The following RIPOR2 variants were observed in gnomAD, a reference collection of about 807,000 sequenced individuals.
The protein encoded by RIPOR2 is RHO family interacting cell polarization regulator 2.
A neutral mutation model predicts 114.5 loss-of-function variants in RIPOR2; 39 were observed. The ratio of observed to expected loss-of-function variants is 0.34; its 90% CI spans 0.26 to 0.44. RIPOR2 has a LOEUF of 0.44. RIPOR2 is among the 20% of genes least tolerant of loss of function. The pLI, the probability that RIPOR2 is intolerant of heterozygous loss-of-function variation, is 1.00. For missense variants in RIPOR2, 1,007 were observed against 1,255.1 expected (o/e 0.80, Z 2.99); for synonymous variants, 445 against 484.4 (o/e 0.92, Z 1.07).
intron 1 of RIPOR2, among the ~76,000 whole-genome samples, chr6:25,040,837 C>T (rs1005756981): frequency 2.0e-5 from 3 of 152,092 alleles, no homozygotes; most frequent in Non-Finnish European, 4.4e-5. Context: ...ATGATCCTCC[C>T]GCCTTGGCCT....
intron 1 of RIPOR2, among the ~76,000 whole-genome samples, chr6:24,908,623 GGGAAGGACA>G (rs1298221309): frequency 1.3e-5 from 2 of 152,298 alleles, no homozygotes; most frequent in East Asian, 3.9e-4. Flanking sequence ...CTCAGATTTA[GGGAAGGACA>G]TTTGGCAGTG....
intron 4 of RIPOR2, 106 bp downstream of exon 4, chr6:24,872,775 C>G: frequency 2.7e-6 from 2 of 738,390 alleles, no homozygotes; most frequent in Non-Finnish European, 4.7e-6. Context: ...TACTCTGCCC[C>G]TTGGATCTGC....
chr6:25,016,255 A>T (rs1775997367), intron 1 of RIPOR2, among the ~76,000 whole-genome samples: 1 of 152,132 alleles, frequency 6.6e-6, no homozygotes, highest in African/African-American at 2.4e-5. Context: ...TCATTCCAGT[A>T]GTTCCTGAGG....
At chr6:24,833,672 G>T (rs558937596) in intron 15 of RIPOR2, among the ~76,000 whole-genome samples, 1 of 152,182 alleles carries the variant, frequency 6.6e-6, no homozygotes, top group East Asian at 1.9e-4. Flanking sequence ...TCTCTCTGTG[G>T]TTATATAACT....
intron 15 of RIPOR2, among the ~76,000 whole-genome samples, chr6:24,833,903 C>T (rs1760886226): frequency 6.6e-6 from 1 of 152,072 alleles, no homozygotes. Context: ...AGAAAACAGT[C>T]ACTCCTTCAA....
rs560188806 is a variant in RIPOR2, at chr6:24,961,144, C to T, written c.76+80707G>A. ...ACAGTCTTGTTGGCAAAACAAGCCA[C>T]ATAAAAAAGACAAGTTATGATACAA... On this transcript the variant is annotated intron_variant, in intron 1 of 13. Coordinates refer to the RIPOR2 transcript ENST00000510784. 2.0e-5 allele frequency among the ~76,000 whole-genome samples: 3 copies of T among 152,184 alleles called. No individual in the cohort carries two copies. In the East Asian group the frequency reaches 5.8e-4, roughly 29 times the overall value.
intron 1 of RIPOR2, among the ~76,000 whole-genome samples, chr6:24,950,138 A>G (rs954461523): frequency 2.6e-5 from 4 of 152,224 alleles, no homozygotes; most frequent in African/African-American, 9.6e-5. Flanking sequence ...CAAGGTGCTG[A>G]GTATCAAATG....
chr6:24,852,519 C>T, intron 9 of RIPOR2, 56 bp downstream of exon 9: 1 of 1,277,922 alleles, frequency 7.8e-7, no homozygotes, highest in South Asian at 1.2e-5. Context: ...GACATGACAA[C>T]TGGCCCCTAC....
intron 1 of RIPOR2, among the ~76,000 whole-genome samples, chr6:24,921,584 A>G (rs1214441708): frequency 6.6e-6 from 1 of 152,024 alleles, no homozygotes. Flanking sequence ...TTGTCAGTAA[A>G]GTCTTCCCTG....
rs931382298 is a variant in RIPOR2 at position 24,910,102 on chromosome 6, A to C, written c.61+25736T>G. ...ATCGTCTCGGGCAAGAGAGCTGCAC[A>C]TGCTCCGCTTGACCAGCCCCCTCCC... is the stretch of plus-strand genomic sequence containing the variant. On this transcript the variant is annotated intron_variant, in intron 1 of 21. Transcript: ENST00000643898. Among the ~76,000 whole-genome samples, 3 of 152,046 alleles carry C rather than the reference A, an allele frequency of 2.0e-5. No homozygotes were observed. The East Asian group carries it at 5.8e-4, about 29-fold the overall frequency.
At chr6:24,839,549 G>A in intron 13 of RIPOR2, 1 of 1,417,712 alleles carries the variant, frequency 7.1e-7, no homozygotes, top group Non-Finnish European at 9.7e-7. Flanking sequence ...TGATCACTGA[G>A]GAGGTTGAGG....
At chr6:24,934,450 T>A (rs1283106902) in intron 1 of RIPOR2, among the ~76,000 whole-genome samples, 2 of 152,214 alleles carry the variant, frequency 1.3e-5, no homozygotes, top group Admixed American at 1.3e-4. Flanking sequence ...ATTTTAAATA[T>A]TTCTGTAGCT....
chr6:24,895,463 T>C (rs1581734938), intron 1 of RIPOR2, among the ~76,000 whole-genome samples: 5 of 151,230 alleles, frequency 3.3e-5, no homozygotes, highest in African/African-American at 1.2e-4. Flanking sequence ...TCTTCTAGGG[T>C]TTAATTTTTC....
At chr6:25,032,536 C>A (rs1777042043) in intron 1 of RIPOR2, among the ~76,000 whole-genome samples, 1 of 152,096 alleles carries the variant, frequency 6.6e-6, no homozygotes, top group Non-Finnish European at 1.5e-5. Context: ...AAGATCTCCC[C>A]TTCAAAGAGT....
intron 8 of RIPOR2, among the ~76,000 whole-genome samples, chr6:24,853,376 A>C (rs1763149469): frequency 6.6e-6 from 1 of 152,256 alleles, no homozygotes; most frequent in African/African-American, 2.4e-5. Flanking sequence ...AGGCCATCTC[A>C]GGAACTCTGG....
intron 1 of RIPOR2, among the ~76,000 whole-genome samples, chr6:25,031,732 TATATATATATATATATATAA>T: frequency 9.4e-6 from 1 of 105,954 alleles, no homozygotes; most frequent in South Asian, 2.8e-4. Flanking sequence ...TATATATATA[TATATATATATATATATATAA>T]AATATCCATA....
chr6:24,840,816 A>G (rs1761639276), intron 13 of RIPOR2: 2 of 1,527,132 alleles, frequency 1.3e-6, no homozygotes, highest in Non-Finnish European at 8.8e-7. Flanking sequence ...AGCTTTGTCC[A>G]GCTGATGCTT....
At chr6:24,979,368 T>C (rs748291904) in intron 1 of RIPOR2, among the ~76,000 whole-genome samples, 22 of 147,834 alleles carry the variant, frequency 1.5e-4, no homozygotes, top group East Asian at 2.0e-4. Context: ...ACACTGCACA[T>C]TAACTGTCCT....
chr6:24,894,652 C>A (rs191634626), intron 1 of RIPOR2, among the ~76,000 whole-genome samples: 1 of 152,200 alleles, frequency 6.6e-6, no homozygotes, highest in East Asian at 1.9e-4. Context: ...TGTCTCACTA[C>A]GACCTCCTGT....
Sources: allele counts gnomAD v4.1 joint callset (sites outside exome capture counted in the v4.1 genomes callset), GRCh38; gene constraint gnomAD v4.1.1; transcripts MANE v1.5; gene names NCBI Gene and HGNC (gene_info 2026-07-23, HGNC 2026-07-21).